NCR1: variants seen among roughly 807,000 people sequenced by gnomAD.
NCR1 encodes NK cell-activating receptor.
A neutral mutation model predicts 32.5 loss-of-function variants in NCR1; 30 were observed. The ratio of observed to expected loss-of-function variants is 0.92; its 90% confidence interval spans 0.69 to 1.25. The LOEUF (loss-of-function observed/expected upper bound fraction) is 1.25. NCR1 is among the 50% of genes most tolerant of loss of function. The pLI is 0.00. For missense variants in NCR1, 369 were observed against 380.7 expected, an observed-to-expected ratio of 0.97 and a Z score of 0.26; for synonymous variants, 169 against 143.4, an observed-to-expected ratio of 1.18 and a Z score of -1.28.
the NCR1 span, chr19:54,934,779 A>C: frequency 1.2e-4 from 92 of 764,160 alleles, no homozygotes; most frequent in Non-Finnish European, 1.7e-4. The surrounding 1 kb of genome is among the most constrained non-coding windows in gnomAD (Gnocchi z 6.7). Context: ...GCGTGATCTC[A>C]CCTCACTGCA....
At position 54,909,305 on chromosome 19, in the gene NCR1, A is replaced by T. The variant is rs761608067; in HGVS notation, c.416A>T (p.Lys139Met). The T allele has an allele frequency of 6.8e-6, 11 of 1,614,088 alleles. No individual in the cohort carries two copies. The Admixed American group carries it at 1.7e-4, about 24-fold the overall frequency. ...GGACCCGAAGTGATCTCGGGAGAGA[A>T]GGTGACCTTCTACTGCCGTCTAGAC... ...HPGPEVISGE[K>M]VTFYCRLDTA... Residue 139 changes from lysine to methionine, a missense_variant, in exon 4 of 7, where the codon AAG (lysine) becomes ATG (methionine). Lys to Met is a moderately conservative substitution (Grantham distance 95). Transcript: ENST00000291890.
chr19:54,934,635 C>G, the NCR1 span: 1 of 1,613,628 alleles, frequency 6.2e-7, no homozygotes, highest in Non-Finnish European at 8.5e-7. The surrounding 1 kb of genome is among the most constrained non-coding windows in gnomAD (Gnocchi z 6.7). Flanking sequence ...CCCACTGCTC[C>G]GGGGTGGCAC....
At chr19:54,936,436 G>A in the NCR1 span, 1 of 1,613,060 alleles carries the variant, frequency 6.2e-7, no homozygotes, top group Admixed American at 1.7e-5. Context: ...TTAATCCTAG[G>A]GAAAAGCAGA....
chr19:54,911,778 G>C (rs2067988824), intron 5 of NCR1, among the ~76,000 whole-genome samples: 2 of 152,174 alleles, frequency 1.3e-5, no homozygotes, highest in Non-Finnish European at 2.9e-5. Flanking sequence ...GGTCATCTGA[G>C]GTTGGGAGTT....
upstream of NCR1, among the ~76,000 whole-genome samples, chr19:54,904,537 T>C (rs1427545337): frequency 1.3e-5 from 2 of 148,748 alleles, no homozygotes; most frequent in South Asian, 2.1e-4. Context: ...TTTTCTTTTT[T>C]TTTTTTTTTT....
the NCR1 span, among the ~76,000 whole-genome samples, chr19:54,924,351 G>A: frequency 1.3e-5 from 2 of 152,198 alleles, no homozygotes; most frequent in Non-Finnish European, 2.9e-5. Flanking sequence ...GGCCAGGCAC[G>A]GTGTCTCGCA....
At chr19:54,934,638 G>T in the NCR1 span, 6 of 1,613,628 alleles carry the variant, frequency 3.7e-6, no homozygotes, top group Non-Finnish European at 5.1e-6. The surrounding 1 kb of genome is among the most constrained non-coding windows in gnomAD (Gnocchi z 6.7). Flanking sequence ...ACTGCTCCGG[G>T]GTGGCACAGT....
chr19:54,900,011 G>C, the NCR1 span, among the ~76,000 whole-genome samples: 2 of 152,218 alleles, frequency 1.3e-5, no homozygotes, highest in African/African-American at 4.8e-5. Context: ...AGAGGTTGGA[G>C]AAGAGAGTAA....
At chr19:54,904,090 C>G (rs1445770726), upstream of NCR1, among the ~76,000 whole-genome samples, 1 of 135,062 alleles carries the variant, frequency 7.4e-6, no homozygotes, top group African/African-American at 2.8e-5. Context: ...CACACCACTG[C>G]ACCACAGCCT....
chr19:54,919,841 C>T (rs1043949293), downstream of NCR1, among the ~76,000 whole-genome samples: 35 of 152,212 alleles, frequency 2.3e-4, no homozygotes, highest in African/African-American at 8.2e-4. Flanking sequence ...CTGGCGTCAC[C>T]GCTAGACCAA....
the NCR1 span, among the ~76,000 whole-genome samples, chr19:54,931,951 T>C: frequency 6.6e-6 from 1 of 152,152 alleles, no homozygotes; most frequent in African/African-American, 2.4e-5. Context: ...GGACAGGATC[T>C]GAGCCCTGGG....
chr19:54,903,559 T>C (rs188161353), upstream of NCR1, among the ~76,000 whole-genome samples: 233 of 147,218 alleles, frequency 1.6e-3, 11 homozygotes, highest in African/African-American at 5.5e-3. Flanking sequence ...TGTGTATATA[T>C]ACATATATGT....
At chr19:54,925,410 G>C in the NCR1 span, among the ~76,000 whole-genome samples, 1 of 152,086 alleles carries the variant, frequency 6.6e-6, no homozygotes, top group Non-Finnish European at 1.5e-5. Flanking sequence ...CCTTGAGCAG[G>C]ATATAAATAA....
chr19:54,907,689 G>C (rs901987283), intron 3 of NCR1, among the ~76,000 whole-genome samples: 1 of 151,676 alleles, frequency 6.6e-6, no homozygotes, highest in Non-Finnish European at 1.5e-5. Flanking sequence ...TAATCTTATG[G>C]GACCACCATC....
At chr19:54,911,305 C>T (rs111552109) in intron 5 of NCR1, among the ~76,000 whole-genome samples, 17 of 149,602 alleles carry the variant, frequency 1.1e-4, no homozygotes, top group African/African-American at 3.4e-4. Flanking sequence ...GCTGAGATCG[C>T]GCCACTGCAC....
the NCR1 span, chr19:54,923,754 C>G: frequency 6.2e-7 from 1 of 1,613,182 alleles, no homozygotes; most frequent in Non-Finnish European, 8.5e-7. Flanking sequence ...CAAAAAAAGT[C>G]ACAGCACGGA....
upstream of NCR1, among the ~76,000 whole-genome samples, chr19:54,905,348 A>G (rs2067519601): frequency 6.6e-6 from 1 of 150,578 alleles, no homozygotes; most frequent in Non-Finnish European, 1.5e-5. Context: ...GTTGAGGAGG[A>G]TTTATTATTA....
chr19:54,922,549 G>A, the NCR1 span, among the ~76,000 whole-genome samples: 11 of 151,862 alleles, frequency 7.2e-5, no homozygotes, highest in East Asian at 2.0e-4. Flanking sequence ...AGGCTGAGGC[G>A]GGTAGATCAC....
chr19:54,926,542 G>A, the NCR1 span, among the ~76,000 whole-genome samples: 1 of 152,106 alleles, frequency 6.6e-6, no homozygotes, highest in Non-Finnish European at 1.5e-5. Context: ...CACTTTGAGA[G>A]GCTGAGGCAG....
Sources: allele counts gnomAD v4.1 joint callset (sites outside exome capture counted in the v4.1 genomes callset), GRCh38; gene constraint gnomAD v4.1.1; non-coding constraint Gnocchi (gnomAD v3.1); transcripts MANE v1.5; gene names NCBI Gene and HGNC (gene_info 2026-07-23, HGNC 2026-07-21).